ADGRV1: variants seen among roughly 807,000 people sequenced by gnomAD.
The protein encoded by ADGRV1 is G-protein coupled receptor 98.
In ADGRV1, 359 loss-of-function variants were observed where a neutral mutation model predicts 596.2. That is an observed-to-expected ratio of 0.60 (90% confidence interval 0.55 to 0.66). The LOEUF (loss-of-function observed/expected upper bound fraction) is 0.66, where lower values mean the gene tolerates loss of function less well. Ranked by LOEUF, ADGRV1 falls within the 30% of genes least tolerant of loss-of-function variation. ADGRV1 has a pLI of 0.00. For synonymous variants in ADGRV1, 2,681 were observed against 2,679.2 expected (o/e 1.00, Z -0.02); for missense variants, 7,274 against 7,575.6 (o/e 0.96, Z 1.48).
At chr5:90,608,090 T>C (rs1227338476) in intron 1 of ADGRV1, among the ~76,000 whole-genome samples, 1 of 152,064 alleles carries the variant, frequency 6.6e-6, no homozygotes, top group East Asian at 1.9e-4. Flanking sequence ...AATTGAAATT[T>C]GATGATGAAT....
At chr5:90,650,734 T>C (rs1768482014) in intron 17 of ADGRV1, among the ~76,000 whole-genome samples, 1 of 152,160 alleles carries the variant, frequency 6.6e-6, no homozygotes, top group Non-Finnish European at 1.5e-5. Context: ...TATGTGTGTG[T>C]GTGTGTGTCC....
In ADGRV1 at chr5:90,637,709, C is replaced by A. The variant is rs2149409365; in HGVS notation, c.2017-16C>A. 2.6e-6 allele frequency: 4 copies of A among 1,537,620 alleles called. No individual in the cohort carries two copies. Among genetic ancestry groups the A allele is most frequent in the Non-Finnish European group, 3.5e-6 (4 of 1,135,398 alleles). ...ATATTTTAGAAGAAATTGTTCTGTT[C>A]TTTTCTTTTTATAAGGTATACATTC... On this transcript the variant is annotated splice_polypyrimidine_tract_variant and intron_variant, in intron 10 of 89. Transcript: ENST00000405460.
At chr5:90,804,585 A>G (rs558560427) in intron 71 of ADGRV1, among the ~76,000 whole-genome samples, 25 of 152,196 alleles carry the variant, frequency 1.6e-4, no homozygotes, top group Admixed American at 5.2e-4. Flanking sequence ...TTAATATATA[A>G]CTCTTGATTA....
In ADGRV1 at chr5:90,810,605, A is replaced by G. The variant is rs764096148; in HGVS notation, c.15345A>G (p.Leu5115=). 48 of 1,613,910 alleles carry G rather than the reference A, an allele frequency of 3.0e-5. 3 individuals carry two copies. The South Asian group carries it at 5.0e-4, about 17-fold the overall frequency. The part of the protein sequence containing the change: ...FDVNWSPRLN[L]DFSVAVITIL... ...TTAATTGGAGCCCACGCCTGAATCT[A>G]GATTTCAGTGTTGCAGTGATTACAA... Residue 5115 remains leucine, a synonymous_variant, in exon 74 of 90, where the codon CTA becomes CTG. Coordinates refer to ENST00000405460, the MANE Select transcript of ADGRV1 (RefSeq NM_032119.4).
chr5:90,572,609 G>A (rs1408229936), intron 1 of ADGRV1, among the ~76,000 whole-genome samples: 18 of 152,102 alleles, frequency 1.2e-4, no homozygotes, highest in Non-Finnish European at 1.5e-5. Context: ...AAATGGTGTT[G>A]GTATAAATGT....
chr5:90,690,438 A>G (rs1401112207), intron 30 of ADGRV1, among the ~76,000 whole-genome samples: 1 of 152,178 alleles, frequency 6.6e-6, no homozygotes, highest in Non-Finnish European at 1.5e-5. Flanking sequence ...AAATGTGGCA[A>G]TATCAAGTTC....
rs569861242 is a variant in ADGRV1, at chr5:91,031,372, C to T, written c.18153-41075C>T. 5.2e-5 allele frequency: 59 copies of T among 1,130,180 alleles called. No individual in the cohort carries two copies. The African/African-American group carries it at 7.3e-4, about 14-fold the overall frequency. 70.0% of individuals were successfully genotyped at this position (1,130,180 alleles called of 1,614,324 possible). On this transcript the variant is annotated intron_variant, in intron 85 of 89. Coordinates refer to ENST00000405460, the MANE Select transcript of ADGRV1 (RefSeq NM_032119.4). ...TCTATCTCATCCGCTGACGGAAGTT[C>T]ATCATTCTGCATGCTCTGTGCCATG... is the stretch of plus-strand genomic sequence containing the variant.
intron 85 of ADGRV1, among the ~76,000 whole-genome samples, chr5:91,039,079 G>T (rs1290520564): frequency 6.6e-5 from 10 of 152,018 alleles, no homozygotes; most frequent in African/African-American, 2.4e-4. Flanking sequence ...TATTGAACCT[G>T]GTGCTTCCAA....
intron 85 of ADGRV1, among the ~76,000 whole-genome samples, chr5:91,005,233 T>C (rs984445912): frequency 1.3e-5 from 2 of 152,170 alleles, no homozygotes; most frequent in African/African-American, 4.8e-5. Context: ...AAACCAAAAT[T>C]ACCTTCTCTT....
intron 75 of ADGRV1, among the ~76,000 whole-genome samples, chr5:90,818,503 G>A (rs1763144127): frequency 6.7e-6 from 1 of 150,034 alleles, no homozygotes; most frequent in South Asian, 2.1e-4. Flanking sequence ...AGTTTTCAAA[G>A]GGAATGCTTC....
At chr5:90,942,376 C>G (rs577506383) in intron 83 of ADGRV1, among the ~76,000 whole-genome samples, 29 of 152,228 alleles carry the variant, frequency 1.9e-4, no homozygotes, top group South Asian at 1.5e-3. Flanking sequence ...TTGAGTTATT[C>G]CCTGGAAGAG....
At chr5:91,132,344 A>G (rs1033998045) in intron 87 of ADGRV1, among the ~76,000 whole-genome samples, 1 of 152,222 alleles carries the variant, frequency 6.6e-6, no homozygotes, top group African/African-American at 2.4e-5. Flanking sequence ...CTCATCACTA[A>G]TACATTTACA....
chr5:90,683,090 C>T (rs1383117611), intron 27 of ADGRV1, among the ~76,000 whole-genome samples: 2 of 152,036 alleles, frequency 1.3e-5, no homozygotes, highest in Non-Finnish European at 2.9e-5. Flanking sequence ...TGTTGTTAAT[C>T]ACATTTAATT....
At chr5:90,954,195 A>G (rs952641378) in intron 83 of ADGRV1, among the ~76,000 whole-genome samples, 1 of 126,838 alleles carries the variant, frequency 7.9e-6, no homozygotes. Context: ...TTAACATCCT[A>G]TTTATAAAGA....
chr5:91,000,494 A>G (rs1427311285), intron 85 of ADGRV1, among the ~76,000 whole-genome samples: 1 of 152,138 alleles, frequency 6.6e-6, no homozygotes, highest in Non-Finnish European at 1.5e-5. Flanking sequence ...AAAATTTACA[A>G]TCGTAACATT....
At chr5:90,584,257 G>A (rs1352156828) in intron 1 of ADGRV1, among the ~76,000 whole-genome samples, 1 of 152,176 alleles carries the variant, frequency 6.6e-6, no homozygotes, top group Non-Finnish European at 1.5e-5. Context: ...TGATTCGGGT[G>A]CCTAAATGAA....
chr5:90,688,456 C>G (rs1746001543), intron 29 of ADGRV1, among the ~76,000 whole-genome samples: 1 of 152,122 alleles, frequency 6.6e-6, no homozygotes, highest in Non-Finnish European at 1.5e-5. Context: ...CTCCCGGGTT[C>G]AAGATTCTCC....
chr5:90,896,757 AAAT>A (rs1348348924), intron 83 of ADGRV1, among the ~76,000 whole-genome samples: 4 of 152,218 alleles, frequency 2.6e-5, no homozygotes, highest in Admixed American at 2.0e-4. Flanking sequence ...TACTGTAAGA[AAAT>A]AAATATCTCA....
chr5:90,747,187 A>G (rs1047984491), intron 52 of ADGRV1, among the ~76,000 whole-genome samples: 1 of 152,136 alleles, frequency 6.6e-6, no homozygotes, highest in African/African-American at 2.4e-5. Flanking sequence ...TATCTGGGGT[A>G]GGAACATTTA....
Sources: gnomAD v4.1 joint callset for allele counts (sites outside exome capture counted in the v4.1 genomes callset) on GRCh38, gnomAD v4.1.1 for gene constraint, MANE v1.5 for transcripts, NCBI Gene and HGNC (gene_info 2026-07-23, HGNC 2026-07-21) for gene names.